Variants in RLF observed in about 807,000 individuals in gnomAD.
RLF encodes the protein zinc finger protein Rlf.
Under a neutral mutation model 162.9 loss-of-function variants are expected in RLF, and 7 were observed. The observed-to-expected ratio is 0.04, with a 90% CI of 0.02 to 0.08. The LOEUF is 0.08. Ranked by LOEUF, RLF falls within the 10% of genes least tolerant of loss-of-function variation. The pLI is 1.00. For missense variants in RLF, 1,664 were observed against 2,244.7 expected, an observed-to-expected ratio of 0.74 and a Z score of 5.23; for synonymous variants, 782 against 791.5, an observed-to-expected ratio of 0.99 and a Z score of 0.20.
chr1:40,195,454 A>G (rs546837940), intron 3 of RLF, among the ~76,000 whole-genome samples, 178 bp from the exon 4 acceptor site: 157 of 151,054 alleles, frequency 1.0e-3, no homozygotes, highest in African/African-American at 3.7e-3. Context: ...GTCTTTAAAA[A>G]AAAAAAAAAG....
At chr1:40,200,737 T>C (rs1332154026) in intron 4 of RLF, among the ~76,000 whole-genome samples, 2 of 150,256 alleles carry the variant, frequency 1.3e-5, no homozygotes, top group Non-Finnish European at 2.9e-5. Context: ...TTCTGTCCTT[T>C]TGAAATCTGT....
At chr1:40,174,704 TC>T (rs1642295351) in intron 1 of RLF, among the ~76,000 whole-genome samples, 1 of 152,176 alleles carries the variant, frequency 6.6e-6, no homozygotes, top group Non-Finnish European at 1.5e-5. Context: ...TTTTAAAAAC[TC>T]ATTTGAATAT....
chr1:40,208,412 TTC>T lies in RLF; in HGVS notation c.810+5800_810+5801del, dbSNP rs145346963. On this transcript the variant is annotated intron_variant, in intron 5 of 7. Coordinates refer to ENST00000372771, the MANE Select transcript of RLF (RefSeq NM_012421.4). Reference sequence around the variant, plus strand: ...TTTGCACTGCCTGTCTTTTCAGACTTTCTACTTGAATCTTAAATATAACTGCA... The same window carrying T: ...TTTGCACTGCCTGTCTTTTCAGACTTTACTTGAATCTTAAATATAACTGCA... Among the ~76,000 whole-genome samples the T allele has an allele frequency of 4.5e-3, 678 of 152,346 alleles. 8 individuals are homozygous for T. Among genetic ancestry groups the T allele is most frequent in the African/African-American group, 0.016 (655 of 41,574 alleles).
At chr1:40,169,258 A>G (rs1417419671) in intron 1 of RLF, among the ~76,000 whole-genome samples, 3 of 152,104 alleles carry the variant, frequency 2.0e-5, no homozygotes, top group South Asian at 2.1e-4. Flanking sequence ...TGTAGAGCCT[A>G]TGTTCTTTTT....
rs1367020911 is a variant in RLF at position 40,236,537 on chromosome 1, G to A, written c.1835G>A (p.Arg612Lys). The A allele has an allele frequency of 6.2e-7, 1 of 1,614,036 alleles. No homozygotes were observed. The highest frequency in any genetic ancestry group is 8.5e-7 in the Non-Finnish European group (1 of 1,179,990). ...CATGTTAAAATGCCACCAAGCAGAA[G>A]GGACCGCTCTAAAAAGAAATTACTG... ...MEHVKMPPSRRDRSKKKLLLK... is the reference protein window; with the variant it reads ...MEHVKMPPSRKDRSKKKLLLK... The change falls in exon 8 of 8, where the codon AGG becomes AAG. Residue 612 changes from arginine to lysine, a missense_variant. Arg to Lys is a conservative substitution (Grantham distance 26). Transcript: ENST00000372771. This position sits in a 1 kb window ranked among gnomAD's most constrained non-coding sequence, Gnocchi z 7.7.
intron 1 of RLF, among the ~76,000 whole-genome samples, chr1:40,163,546 T>C (rs886482265): frequency 3.9e-5 from 6 of 152,326 alleles, no homozygotes; most frequent in African/African-American, 1.4e-4. Flanking sequence ...AGAGATGTGA[T>C]GGCCCAGAAG....
At position 40,178,619 on chromosome 1, in the gene RLF, GT is replaced by G. The variant is rs1197339822; in HGVS notation, c.238-10424del. Among the ~76,000 whole-genome samples the G allele has an allele frequency of 4.2e-4, 36 of 85,604 alleles. No individual in the cohort carries two copies. The East Asian group carries it at 6.7e-3, about 16-fold the overall frequency. The allele number at this position is 85,604 out of a possible 152,430, so 56.2% of individuals were successfully genotyped here. ...GTTTGAACCCAAAGCTGTCTTTGGT[GT>G]TTTTTTTTTTTGTTTTTTTTTTTTT... On this transcript the variant is annotated intron_variant, in intron 1 of 7. Transcript: ENST00000372771.
intron 5 of RLF, among the ~76,000 whole-genome samples, chr1:40,215,427 A>G (rs551891340): frequency 5.5e-4 from 84 of 152,346 alleles, no homozygotes; most frequent in Non-Finnish European, 9.3e-4. Context: ...TGAAATACAT[A>G]AAGTATGTTC....
At chr1:40,211,773 C>A in intron 5 of RLF, among the ~76,000 whole-genome samples, 1 of 151,492 alleles carries the variant, frequency 6.6e-6, no homozygotes, top group African/African-American at 2.5e-5. Flanking sequence ...GGGCACGTGC[C>A]ACCACGCCTG....
intron 6 of RLF, among the ~76,000 whole-genome samples, chr1:40,226,252 A>G (rs1643070337): frequency 6.6e-6 from 1 of 152,198 alleles, no homozygotes; most frequent in African/African-American, 2.4e-5. Context: ...GAAGTACTAG[A>G]GGAGTAAGCT....
chr1:40,236,552 A>G lies in RLF; in HGVS notation c.1850A>G (p.Lys617Arg). The G allele has an allele frequency of 1.9e-6, 3 of 1,614,148 alleles. No individual in the cohort carries two copies. The highest frequency in any genetic ancestry group is 2.5e-6 in the Non-Finnish European group (3 of 1,180,020). The change falls in exon 8 of 8, where the codon AAG (lysine) becomes AGG (arginine). Residue 617 changes from lysine to arginine, a missense_variant. Lys to Arg is a conservative substitution (Grantham distance 26). Transcript: ENST00000372771. This position sits in a 1 kb window ranked among gnomAD's most constrained non-coding sequence, Gnocchi z 7.7. Reference protein sequence around the residue: ...MPPSRRDRSKKKLLLKGSQKG... With the variant: ...MPPSRRDRSKRKLLLKGSQKG... ...CCAAGCAGAAGGGACCGCTCTAAAA[A>G]GAAATTACTGTTAAAAGGCTCTCAA...
chr1:40,205,485 C>CCTTTTT lies in RLF; in HGVS notation c.810+2871_810+2872insCTTTTT, dbSNP rs990825771. On this transcript the variant is annotated intron_variant, in intron 5 of 7. Coordinates refer to ENST00000372771, the MANE Select transcript of RLF (RefSeq NM_012421.4). ...TTACTATCGAACATTTTCCTTCCTT[C>CCTTTTT]TTTTTTTTTTTTTTTTTTTTTTGGG... Among the ~76,000 whole-genome samples, 7 of 107,054 alleles carry CCTTTTT rather than the reference C, an allele frequency of 6.5e-5. 1 individual carries two copies. The highest frequency in any genetic ancestry group is 2.7e-4 in the African/African-American group (7 of 26,232). 70.2% of individuals were successfully genotyped at this position (107,054 alleles called of 152,430 possible).
chr1:40,238,655 A>G lies in RLF; in HGVS notation c.3953A>G (p.Asn1318Ser). ...TTCCATTGTATTCATAAAACTTGCAACTCCTCATTCACCAATCTAAAAGGC... is the reference window on the plus strand; with the variant it reads ...TTCCATTGTATTCATAAAACTTGCAGCTCCTCATTCACCAATCTAAAAGGC... Reference protein sequence around the residue: ...KPFHCIHKTCNSSFTNLKGLI... With the variant: ...KPFHCIHKTCSSSFTNLKGLI... Residue 1318 changes from asparagine (N) to serine (S), a missense_variant, in exon 8 of 8, where the codon AAC becomes AGC. Transcript: ENST00000372771. The surrounding 1 kb of genome is among the most constrained non-coding windows in gnomAD (Gnocchi z 5.2). The G allele has an allele frequency of 6.2e-7, 1 of 1,613,218 alleles. No homozygotes were observed. The highest frequency in any genetic ancestry group is 8.5e-7 in the Non-Finnish European group (1 of 1,179,580).
chr1:40,217,078 C>T (rs1332690908), intron 5 of RLF, among the ~76,000 whole-genome samples: 1 of 152,046 alleles, frequency 6.6e-6, no homozygotes, highest in Admixed American at 6.6e-5. Flanking sequence ...TCCAGAATGT[C>T]CACTCATGCA....
chr1:40,233,324 T>C (rs1156503361), intron 7 of RLF, among the ~76,000 whole-genome samples: 1 of 152,182 alleles, frequency 6.6e-6, no homozygotes, highest in Non-Finnish European at 1.5e-5. Context: ...GTTACTTTTC[T>C]TTGAAAAATG....
In RLF at chr1:40,239,803, A is replaced by G; in HGVS notation, c.5101A>G (p.Ile1701Val). The G allele has an allele frequency of 6.2e-7, 1 of 1,614,154 alleles. No homozygotes were observed. ...PPPPCKIENS[I>V]PNPNGTESGT... ...TCCTCCTTGTAAAATAGAAAATTCC[A>G]TACCTAATCCCAATGGGACTGAAAG... The change falls in exon 8 of 8, where the codon ATA becomes GTA. Residue 1701 changes from isoleucine to valine, a missense_variant. By Grantham distance (29) the Ile-to-Val change is conservative. Transcript: ENST00000372771.
At chr1:40,202,216 T>A (rs1410961711) in intron 4 of RLF, among the ~76,000 whole-genome samples, 196 bp from the exon 5 acceptor site, 1 of 152,230 alleles carries the variant, frequency 6.6e-6, no homozygotes, top group Non-Finnish European at 1.5e-5. Context: ...TTTATGCTTA[T>A]AGTTCATTTC....
rs767501188 is a variant in RLF, at chr1:40,236,549, A to G, written c.1847A>G (p.Lys616Arg). The G allele has an allele frequency of 1.3e-5, 21 of 1,613,962 alleles. No homozygotes were observed. The Admixed American group carries it at 3.5e-4, about 27-fold the overall frequency. The change falls in exon 8 of 8, where the codon AAA becomes AGA. Residue 616 changes from lysine (K) to arginine (R), a missense_variant. Coordinates refer to ENST00000372771, the MANE Select transcript of RLF (RefSeq NM_012421.4). The surrounding 1 kb of genome is among the most constrained non-coding windows in gnomAD (Gnocchi z 7.7). Reference sequence around the variant, plus strand: ...CCACCAAGCAGAAGGGACCGCTCTAAAAAGAAATTACTGTTAAAAGGCTCT... The same window carrying G: ...CCACCAAGCAGAAGGGACCGCTCTAGAAAGAAATTACTGTTAAAAGGCTCT... ...KMPPSRRDRS[K>R]KKLLLKGSQK...
At chr1:40,192,634 G>T (rs1180901506) in intron 3 of RLF, among the ~76,000 whole-genome samples, 1 of 152,126 alleles carries the variant, frequency 6.6e-6, no homozygotes, top group Non-Finnish European at 1.5e-5. Context: ...TTTATCAGAT[G>T]TGTAGGATAT....
Sources: gnomAD v4.1 joint callset for allele counts (sites outside exome capture counted in the v4.1 genomes callset) on GRCh38, gnomAD v4.1.1 for gene constraint, Gnocchi (gnomAD v3.1) non-coding constraint, MANE v1.5 for transcripts, NCBI Gene and HGNC (gene_info 2026-07-23, HGNC 2026-07-21) for gene names.